SHISAL2B: variants seen among roughly 807,000 people sequenced by gnomAD.
SHISAL2B encodes the protein shisa like 2B.
In SHISAL2B, 12 loss-of-function variants were observed where a neutral mutation model predicts 16.5. That is an observed-to-expected ratio of 0.73 (90% CI 0.47 to 1.18). The LOEUF is 1.18. Among genes scored for constraint, SHISAL2B ranks in the 50% most tolerant of loss-of-function variants. SHISAL2B has a pLI of 0.00. For missense variants in SHISAL2B, 183 were observed against 193.6 expected (o/e 0.95, Z 0.33); for synonymous variants, 72 against 75.0 (o/e 0.96, Z 0.21).
intron 2 of SHISAL2B, 51 bp from the exon 3 acceptor site, chr5:64,717,838 G>C (rs1742078517): frequency 2.1e-6 from 3 of 1,458,618 alleles, no homozygotes; most frequent in Non-Finnish European, 2.7e-6. Flanking sequence ...ATTTTTATAA[G>C]TGAAACGATG....
intron 2 of SHISAL2B, among the ~76,000 whole-genome samples, chr5:64,706,148 G>C (rs1433480834): frequency 6.6e-6 from 1 of 152,216 alleles, no homozygotes; most frequent in East Asian, 1.9e-4. Context: ...GACAGAGCAA[G>C]ACTGCGTCTT....
rs533699886 is a variant in SHISAL2B, at chr5:64,709,407, T to C, written c.350-8482T>C. On this transcript the variant is annotated intron_variant, in intron 2 of 2. Coordinates refer to ENST00000389074, the MANE Select transcript of SHISAL2B (RefSeq NM_001164442.2). ...GCTGCATAGTATTCCATGGTGTATA[T>C]GTGCCACATTTTCTTAATCCAGTCT... 5.4e-5 allele frequency among the ~76,000 whole-genome samples: 8 copies of C among 149,370 alleles called. No individual in the cohort carries two copies. In the South Asian group the frequency reaches 1.7e-3, roughly 32 times the overall value.
chr5:64,706,308 G>C (rs1042862035), intron 2 of SHISAL2B, among the ~76,000 whole-genome samples: 33 of 152,216 alleles, frequency 2.2e-4, no homozygotes, highest in African/African-American at 8.0e-4. Context: ...GTCTGGCTCA[G>C]TGAATCTGCA....
chr5:64,701,663 A>C (rs1741811253), intron 2 of SHISAL2B, among the ~76,000 whole-genome samples: 1 of 152,244 alleles, frequency 6.6e-6, no homozygotes, highest in Admixed American at 6.5e-5. Context: ...TATAATAAAC[A>C]ACAAGCCTGT....
intron 2 of SHISAL2B, among the ~76,000 whole-genome samples, chr5:64,712,458 A>G (rs1446347156): frequency 3.2e-4 from 48 of 151,860 alleles, no homozygotes; most frequent in Non-Finnish European, 5.9e-5. Context: ...TTTACTTCCA[A>G]CTATGTGGTC....
chr5:64,697,694 G>A (rs1401480685), intron 2 of SHISAL2B, among the ~76,000 whole-genome samples: 2 of 151,996 alleles, frequency 1.3e-5, no homozygotes, highest in Middle Eastern at 3.4e-3. Flanking sequence ...ATAAATTTAG[G>A]ATTTATGTAT....
chr5:64,712,216 C>T (rs1197149839), intron 2 of SHISAL2B, among the ~76,000 whole-genome samples: 3 of 149,286 alleles, frequency 2.0e-5, no homozygotes, highest in East Asian at 3.9e-4. Flanking sequence ...TTGAATGTGT[C>T]CCAGAGATTC....
intron 2 of SHISAL2B, among the ~76,000 whole-genome samples, chr5:64,709,220 A>C (rs1312523545): frequency 2.3e-5 from 3 of 128,056 alleles, no homozygotes; most frequent in Non-Finnish European, 3.2e-5. Flanking sequence ...CCAGAGTGTG[A>C]TATTCCCCTT....
chr5:64,711,402 T>C (rs1485995241), intron 2 of SHISAL2B, among the ~76,000 whole-genome samples: 1 of 149,716 alleles, frequency 6.7e-6, no homozygotes, highest in Non-Finnish European at 1.5e-5. Flanking sequence ...TTGATCATGG[T>C]GGATAAGCTT....
intron 2 of SHISAL2B, among the ~76,000 whole-genome samples, chr5:64,698,936 C>G (rs1561374777): frequency 6.6e-6 from 1 of 152,202 alleles, no homozygotes; most frequent in East Asian, 1.9e-4. Context: ...CTTCTCTATA[C>G]AACGCACTGT....
In SHISAL2B at chr5:64,690,734, CG is replaced by C. The variant is rs1561372544; in HGVS notation, c.113del (p.Gly38AlafsTer31). The C allele has an allele frequency of 1.3e-6, 2 of 1,538,374 alleles. No individual in the cohort carries two copies. Among genetic ancestry groups the C allele is most frequent in the Non-Finnish European group, 1.7e-6 (2 of 1,148,320 alleles). ...GEGAALQYCC[G>X]FADLKYCCSE... is the part of the protein sequence containing the mutation. ...AGGGGGCAGCGCTCCAGTATTGCTG[CG>C]GCTTCGCCGACCTCAAGTACTGCTG... On this transcript the variant is annotated frameshift_variant, in exon 1 of 3. Transcript: ENST00000389074. LOFTEE classifies it high-confidence loss of function.
intron 2 of SHISAL2B, among the ~76,000 whole-genome samples, chr5:64,716,350 C>A (rs1385114879): frequency 2.0e-5 from 3 of 152,114 alleles, no homozygotes; most frequent in African/African-American, 7.2e-5. Flanking sequence ...ATACACTCAA[C>A]TAATATTTAT....
chr5:64,702,547 T>C (rs1741824826), intron 2 of SHISAL2B, among the ~76,000 whole-genome samples: 2 of 152,226 alleles, frequency 1.3e-5, no homozygotes, highest in South Asian at 4.1e-4. Flanking sequence ...GTTCGAAGTA[T>C]TAGTAATTAG....
chr5:64,712,323 T>A (rs1292629155), intron 2 of SHISAL2B, among the ~76,000 whole-genome samples: 1 of 152,202 alleles, frequency 6.6e-6, no homozygotes, highest in Non-Finnish European at 1.5e-5. Flanking sequence ...GAGCATGTTG[T>A]TCAGTTTCCA....
chr5:64,697,167 A>G (rs1741750027), intron 2 of SHISAL2B, among the ~76,000 whole-genome samples: 1 of 152,250 alleles, frequency 6.6e-6, no homozygotes, highest in Non-Finnish European at 1.5e-5. Flanking sequence ...GGGTCACCCC[A>G]TATCAAATAA....
At chr5:64,713,340 TTTTC>T (rs933040588) in intron 2 of SHISAL2B, among the ~76,000 whole-genome samples, 1 of 111,500 alleles carries the variant, frequency 9.0e-6, no homozygotes, top group African/African-American at 4.9e-5. Context: ...TTGAAAATTC[TTTTC>T]TTTAAGAATG....
chr5:64,696,015 A>G (rs973142173), intron 2 of SHISAL2B, among the ~76,000 whole-genome samples: 27 of 152,340 alleles, frequency 1.8e-4, no homozygotes, highest in Admixed American at 1.3e-3. Flanking sequence ...TGTTGCAGGA[A>G]GTCAGGGACC....
chr5:64,694,438 T>G (rs1324540666), intron 1 of SHISAL2B, among the ~76,000 whole-genome samples: 1 of 152,260 alleles, frequency 6.6e-6, no homozygotes, highest in Non-Finnish European at 1.5e-5. Flanking sequence ...TTCAAGATAA[T>G]GCTTTTTTTC....
At chr5:64,714,539 A>C (rs1348706946) in intron 2 of SHISAL2B, among the ~76,000 whole-genome samples, 1 of 151,850 alleles carries the variant, frequency 6.6e-6, no homozygotes, top group African/African-American at 2.4e-5. Context: ...AGAGGCAGGC[A>C]GGCCTCCTTG....
Sources: allele counts gnomAD v4.1 joint callset (sites outside exome capture counted in the v4.1 genomes callset), GRCh38; gene constraint gnomAD v4.1.1; transcripts MANE v1.5; gene names NCBI Gene and HGNC (gene_info 2026-07-23, HGNC 2026-07-21).